Variants in SALL4 observed in about 807,000 individuals in gnomAD.
SALL4 encodes the protein sal-like protein 4.
In SALL4, 4 loss-of-function variants were observed where a neutral mutation model predicts 60.8. That is an observed-to-expected ratio of 0.07 (90% CI 0.03 to 0.15). The LOEUF (loss-of-function observed/expected upper bound fraction) is 0.15. Among genes scored for constraint, SALL4 ranks in the 10% least tolerant of loss-of-function variants. The pLI is 1.00. For synonymous variants in SALL4, 580 were observed against 574.9 expected, an observed-to-expected ratio of 1.01 and a Z score of -0.13; for missense variants, 1,178 against 1,394.7, an observed-to-expected ratio of 0.84 and a Z score of 2.48.
Position 51,788,418 on chromosome 20 carries a change from C to T in SALL4, c.2742+443G>A, listed in dbSNP as rs1601166313. On this transcript the variant is annotated intron_variant, in intron 3 of 3. Transcript: ENST00000217086. This position sits in a 1 kb window ranked among gnomAD's most constrained non-coding sequence, Gnocchi z 4.1. ...TCAAACTCCTGGACTCAGCTGGGTG[C>T]AGTGGCTCATGCCTGTAATCCCAGC... Among the ~76,000 whole-genome samples the T allele has an allele frequency of 6.6e-6, 1 of 151,992 alleles. No homozygotes were observed. The highest frequency in any genetic ancestry group is 2.4e-5 in the African/African-American group (1 of 41,348).
In SALL4 at chr20:51,784,691, G is replaced by C; in HGVS notation, c.2743-7C>G. 6.2e-7 allele frequency: 1 copy of C among 1,614,138 alleles called. No homozygotes were observed. Among genetic ancestry groups the C allele is most frequent in the Non-Finnish European group, 8.5e-7 (1 of 1,180,026 alleles). On this transcript the variant is annotated splice_polypyrimidine_tract_variant and splice_region_variant and intron_variant, in intron 3 of 3. Coordinates refer to ENST00000217086, the MANE Select transcript of SALL4 (RefSeq NM_020436.5). Reference sequence around the variant, plus strand: ...CGTGTGTCATGTAGTGAACCTATGGGAACAGGACAGAAAGGTTTTTACCAA... The same window carrying C: ...CGTGTGTCATGTAGTGAACCTATGGCAACAGGACAGAAAGGTTTTTACCAA...
chr20:51,785,689 G>A (rs577694316), intron 3 of SALL4, among the ~76,000 whole-genome samples: 1 of 152,200 alleles, frequency 6.6e-6, no homozygotes, highest in South Asian at 2.1e-4. Context: ...TGTCGCCCAG[G>A]CTGGAGTGCA....
rs1027977445 is a variant in SALL4 at position 51,788,782 on chromosome 20, A to G, written c.2742+79T>C. ...CCCAAAGGAGGAATGGAAGGATGGAAGAACTCATCACGGCTTGTGCCAATA... is the reference window on the plus strand; with the variant it reads ...CCCAAAGGAGGAATGGAAGGATGGAGGAACTCATCACGGCTTGTGCCAATA... On this transcript the variant is annotated intron_variant, in intron 3 of 3. Transcript: ENST00000217086. This position sits in a 1 kb window ranked among gnomAD's most constrained non-coding sequence, Gnocchi z 4.1. The G allele has an allele frequency of 5.8e-6, 9 of 1,559,946 alleles. No individual in the cohort carries two copies. In the African/African-American group the frequency reaches 1.2e-4, roughly 21 times the overall value.
At chr20:51,792,711 G>GAAAAAA (rs1568866681) in intron 1 of SALL4, 3 of 496,716 alleles carry the variant, frequency 6.0e-6, no homozygotes, top group African/African-American at 3.5e-5. Context: ...AAAAAAAAAG[G>GAAAAAA]CAAAAAGGCT....
In SALL4 at chr20:51,790,935, C is replaced by G; in HGVS notation, c.1548G>C (p.Glu516Asp). Residue 516 changes from glutamate (E) to aspartate (D), a missense_variant, in exon 2 of 4, where the codon GAG (glutamate) becomes GAC (aspartate). Transcript: ENST00000217086. This position sits in a 1 kb window ranked among gnomAD's most constrained non-coding sequence, Gnocchi z 5.5. ...CCACCCCAGGGAGTGTGGGTCCACC[C>G]TCACTTTCTGGAGAAGGCCCAGGCT... ...DLQPGPSPES[E>D]GGPTLPGVGP... 1 of 1,614,138 alleles carries G rather than the reference C, an allele frequency of 6.2e-7. No individual in the cohort carries two copies. The highest frequency in any genetic ancestry group is 2.2e-5 in the East Asian group (1 of 44,866).
In SALL4 at chr20:51,784,688, TG is replaced by T. The variant is rs1568859922; in HGVS notation, c.2743-5del. 3 of 1,614,146 alleles carry T rather than the reference TG, an allele frequency of 1.9e-6. No homozygotes were observed. Among genetic ancestry groups the T allele is most frequent in the Admixed American group, 3.3e-5 (2 of 60,018 alleles). ...CCCCGTGTGTCATGTAGTGAACCTA[TG>T]GGAACAGGACAGAAAGGTTTTTACC... is the stretch of plus-strand genomic sequence containing the variant. On this transcript the variant is annotated splice_region_variant and splice_polypyrimidine_tract_variant and intron_variant, in intron 3 of 3. Transcript: ENST00000217086.
At chr20:51,799,504 C>T (rs1228398947) in intron 1 of SALL4, among the ~76,000 whole-genome samples, 1 of 152,232 alleles carries the variant, frequency 6.6e-6, no homozygotes, top group African/African-American at 2.4e-5. Context: ...GCACGAATGA[C>T]AAAGTATCAT....
At position 51,801,078 on chromosome 20, in the gene SALL4, G is replaced by A. The variant is rs367940848; in HGVS notation, c.130+1201C>T. Among the ~76,000 whole-genome samples the A allele has an allele frequency of 6.6e-6, 1 of 152,184 alleles. No individual in the cohort carries two copies. Among genetic ancestry groups the A allele is most frequent in the East Asian group, 1.9e-4 (1 of 5,158 alleles). ...GCAGGGAAATTAGAAAGCAGGCGGG[G>A]AGCGGAGCGACGAACAAGGCCGGAG... On this transcript the variant is annotated intron_variant, in intron 1 of 3. Coordinates refer to ENST00000217086, the MANE Select transcript of SALL4 (RefSeq NM_020436.5). This position sits in a 1 kb window ranked among gnomAD's most constrained non-coding sequence, Gnocchi z 5.2.
In SALL4 at chr20:51,782,956, A is replaced by T; in HGVS notation, c.*1309T>A. 6.6e-6 allele frequency: 1 copy of T among 152,246 alleles called. No individual in the cohort carries two copies. The highest frequency in any genetic ancestry group is 1.5e-5 in the Non-Finnish European group (1 of 68,050). 9.4% of individuals were successfully genotyped at this position (152,246 alleles called of 1,614,324 possible). ...ATAAATTAAAGCTTTCACACCCAGGACGTGCCTGTTCTAACTTCGTAGCCT... is the reference window on the plus strand; with the variant it reads ...ATAAATTAAAGCTTTCACACCCAGGTCGTGCCTGTTCTAACTTCGTAGCCT... On this transcript the variant is annotated 3_prime_UTR_variant, in exon 4 of 4. Transcript: ENST00000217086.
At chr20:51,785,444 C>T (rs2077985277) in intron 3 of SALL4, among the ~76,000 whole-genome samples, 1 of 152,150 alleles carries the variant, frequency 6.6e-6, no homozygotes, top group African/African-American at 2.4e-5. Flanking sequence ...TAAATCAAAC[C>T]ATCTTAAGTC....
intron 1 of SALL4, among the ~76,000 whole-genome samples, chr20:51,798,866 AAAACAAAAC>A (rs1286302754): frequency 7.2e-5 from 11 of 152,026 alleles, no homozygotes; most frequent in African/African-American, 2.4e-4. Flanking sequence ...AAAACAAAAC[AAAACAAAAC>A]AAAAAAAACA....
chr20:51,800,353 C>T (rs1255233659), intron 1 of SALL4, among the ~76,000 whole-genome samples: 1 of 152,216 alleles, frequency 6.6e-6, no homozygotes, highest in African/African-American at 2.4e-5. Flanking sequence ...GCGCGCAAGC[C>T]GGGTGGGCTG....
rs2078026985 is a variant in SALL4 at position 51,790,346 on chromosome 20, G to A, written c.2137C>T (p.Pro713Ser). ...GTGGGTGATGCCGAGTGGATGCTGG[G>A]AAGAGGCGTGGGGACCTTGGAGGAG... ...SSSSKVPTPL[P>S]SIHSASPTLG... is the part of the protein sequence containing the mutation. The change falls in exon 2 of 4, where the codon CCC (proline) becomes TCC (serine). Residue 713 changes from proline (P) to serine (S), a missense_variant. Physicochemically the swap from Pro to Ser is moderately conservative, Grantham distance 74. This residue lies in a region of SALL4 where 853 missense variants were observed against 1,036.8 expected (regional missense o/e 0.82). Transcript: ENST00000217086. This position sits in a 1 kb window ranked among gnomAD's most constrained non-coding sequence, Gnocchi z 5.5. 1 of 1,614,166 alleles carries A rather than the reference G, an allele frequency of 6.2e-7. No individual in the cohort carries two copies. The highest frequency in any genetic ancestry group is 8.5e-7 in the Non-Finnish European group (1 of 1,180,040).
In SALL4 at chr20:51,791,107, A is replaced by G. The variant is rs1446983866; in HGVS notation, c.1376T>C (p.Leu459Pro). Residue 459 changes from leucine to proline, a missense_variant, in exon 2 of 4, where the codon CTC (leucine) becomes CCC (proline). Coordinates refer to ENST00000217086, the MANE Select transcript of SALL4 (RefSeq NM_020436.5). The surrounding 1 kb of genome is among the most constrained non-coding windows in gnomAD (Gnocchi z 4.6). ...TTCATCTATGGGGTCAGGTACAGAGAGTGCATAGGGGATGCCATTGCCGGC... is the reference window on the plus strand; with the variant it reads ...TTCATCTATGGGGTCAGGTACAGAGGGTGCATAGGGGATGCCATTGCCGGC... ...VAAGNGIPYALSVPDPIDEPS... is the reference protein window; with the variant it reads ...VAAGNGIPYAPSVPDPIDEPS... The G allele has an allele frequency of 6.2e-7, 1 of 1,614,054 alleles. No individual in the cohort carries two copies. Among genetic ancestry groups the G allele is most frequent in the African/African-American group, 1.3e-5 (1 of 74,918 alleles).
intron 1 of SALL4, among the ~76,000 whole-genome samples, chr20:51,798,724 C>A (rs1282740842): frequency 2.0e-5 from 3 of 151,976 alleles, no homozygotes; most frequent in Non-Finnish European, 2.9e-5. Context: ...TTTAAGATGG[C>A]AGAGGAGAGG....
intron 2 of SALL4, 127 bp from the exon 3 acceptor site, chr20:51,789,268 A>G: frequency 1.1e-6 from 1 of 945,956 alleles, no homozygotes; most frequent in South Asian, 1.7e-5. Flanking sequence ...CTTTGTAAGT[A>G]ATTAACACCT....
In SALL4 at chr20:51,792,347, G is replaced by C; in HGVS notation, c.136C>G (p.Pro46Ala). The C allele has an allele frequency of 6.2e-7, 1 of 1,602,642 alleles. No individual in the cohort carries two copies. Among genetic ancestry groups the C allele is most frequent in the South Asian group, 1.1e-5 (1 of 91,060 alleles). The stretch of plus-strand genomic sequence containing the variant: ...TCGTCATTCCCTGGGTGGTTCACTG[G>C]AGCACCTGTAACAAGACAGAAAAAG... The part of the protein sequence containing the change: ...AAPAAGELGA[P>A]VNHPGNDEVA... Residue 46 changes from proline (P) to alanine (A), a missense_variant, in exon 2 of 4, where the codon CCA becomes GCA. Pro to Ala is a conservative substitution (Grantham distance 27, BLOSUM62 -1). Coordinates refer to ENST00000217086, the MANE Select transcript of SALL4 (RefSeq NM_020436.5).
chr20:51,784,524 A>C lies in SALL4; in HGVS notation c.2903T>G (p.Val968Gly), dbSNP rs377276752. ...GAGCATGCTGGTGTACTGGTTCCAC[A>C]CAACAGGGTCCACATTCACTGAAGG... ...LAPSVNVDPV[V>G]WNQYTSMLNG... Residue 968 changes from valine (V) to glycine (G), a missense_variant, in exon 4 of 4, where the codon GTG (valine) becomes GGG (glycine). Coordinates refer to ENST00000217086, the MANE Select transcript of SALL4 (RefSeq NM_020436.5). The C allele has an allele frequency of 1.1e-5, 18 of 1,614,058 alleles. No individual in the cohort carries two copies. The highest frequency in any genetic ancestry group is 1.4e-5 in the Non-Finnish European group (16 of 1,180,044).
chr20:51,784,249 C>T lies in SALL4; in HGVS notation c.*16G>A. ...TTTCACTGTGTCTGCATTGCTCCTT[C>T]CACGCAAGTTCTCCCTTAGCTGACC... On this transcript the variant is annotated 3_prime_UTR_variant, in exon 4 of 4. Coordinates refer to ENST00000217086, the MANE Select transcript of SALL4 (RefSeq NM_020436.5). The T allele has an allele frequency of 6.2e-7, 1 of 1,613,032 alleles. No homozygotes were observed. Among genetic ancestry groups the T allele is most frequent in the East Asian group, 2.2e-5 (1 of 44,874 alleles).
Sources: allele counts gnomAD v4.1 joint callset (sites outside exome capture counted in the v4.1 genomes callset), GRCh38; gene constraint gnomAD v4.1.1; regional missense constraint gnomAD v4.1.1; non-coding constraint Gnocchi (gnomAD v3.1); transcripts MANE v1.5; gene names NCBI Gene and HGNC (gene_info 2026-07-23, HGNC 2026-07-21).